The following DENR variants were observed in gnomAD, a reference collection of about 807,000 sequenced individuals.
DENR encodes density regulated re-initiation and release factor, also known as density-regulated protein.
Under a neutral mutation model 30.6 loss-of-function variants are expected in DENR, and 6 were observed. The observed-to-expected ratio is 0.20, with a 90% CI of 0.11 to 0.39. The LOEUF (loss-of-function observed/expected upper bound fraction) is 0.39. DENR is among the 10% of genes least tolerant of loss of function. DENR has a pLI of 1.00. For synonymous variants in DENR, 78 were observed against 72.1 expected, an observed-to-expected ratio of 1.08 and a Z score of -0.41; for missense variants, 141 against 230.9, an observed-to-expected ratio of 0.61 and a Z score of 2.52.
Position 122,768,808 on chromosome 12 carries a change from T to C in DENR, c.439T>C (p.Phe147Leu), listed in dbSNP as rs1353006278. Reference protein sequence around the residue: ...FEIDLKEAQRFFAQKFSCGAS... With the variant: ...FEIDLKEAQRLFAQKFSCGAS... The stretch of plus-strand genomic sequence containing the variant: ...AATTGATCTTAAAGAAGCACAAAGA[T>C]TTTTTGCTCAAAAATTCTCCTGTGG... Residue 147 changes from phenylalanine to leucine, a missense_variant, in exon 7 of 8, where the codon TTT (phenylalanine) becomes CTT (leucine). Physicochemically the swap from Phe to Leu is conservative, Grantham distance 22 (BLOSUM62 0). This residue lies in a region of DENR where 37 missense variants were observed against 92.6 expected (regional missense o/e 0.40). Transcript: ENST00000280557. 4 of 1,588,126 alleles carry C rather than the reference T, an allele frequency of 2.5e-6. No homozygotes were observed. The highest frequency in any genetic ancestry group is 3.4e-6 in the Non-Finnish European group (4 of 1,167,786).
chr12:122,753,500 G>C lies in DENR; in HGVS notation c.-9-193G>C, dbSNP rs543005058. Reference sequence around the variant, plus strand: ...TGGTCCATTTGCTGCTTGCTTCCCTGTAGACCTGTGGAGCAAGGAGATGTT... The same window carrying C: ...TGGTCCATTTGCTGCTTGCTTCCCTCTAGACCTGTGGAGCAAGGAGATGTT... On this transcript the variant is annotated intron_variant, in intron 1 of 7. Transcript: ENST00000280557. Among the ~76,000 whole-genome samples, 15 of 152,244 alleles carry C rather than the reference G, an allele frequency of 9.9e-5. 1 individual carries two copies. In the South Asian group the frequency reaches 3.1e-3, roughly 32 times the overall value.
chr12:122,753,024 G>T (rs1002152945), intron 1 of DENR, 74 bp downstream of exon 1: 1 of 152,936 alleles, frequency 6.5e-6, no homozygotes, highest in East Asian at 1.9e-4. Context: ...ATGCTGCCTG[G>T]CGGAAGGGGG....
rs201242443 is a variant in DENR at position 122,769,218 on chromosome 12, GTA to G, written c.*147_*148del. ...TATGTATGTATACACATATACACAT[GTA>G]TATATACATGTGTGTATGTATACAT... On this transcript the variant is annotated 3_prime_UTR_variant, in exon 8 of 8. Coordinates refer to ENST00000280557, the MANE Select transcript of DENR (RefSeq NM_003677.5). 4,010 of 846,018 alleles carry G rather than the reference GTA, an allele frequency of 4.7e-3. 362 individuals carry two copies. In the East Asian group the frequency reaches 0.17, roughly 36 times the overall value. The allele number at this position is 846,018 out of a possible 1,614,324, so 52.4% of individuals were successfully genotyped here. A position where few individuals can be genotyped will look rare whatever the true frequency, so the allele number is the denominator to read the frequency against.
At chr12:122,756,301 T>C (rs1448829943) in intron 2 of DENR, among the ~76,000 whole-genome samples, 1 of 152,018 alleles carries the variant, frequency 6.6e-6, no homozygotes, top group Non-Finnish European at 1.5e-5. Context: ...ATACAAAAAT[T>C]AGCTGGGCAT....
intron 6 of DENR, among the ~76,000 whole-genome samples, chr12:122,767,922 A>T (rs1878888841): frequency 6.6e-6 from 1 of 152,186 alleles, no homozygotes; most frequent in Non-Finnish European, 1.5e-5. Flanking sequence ...CATGGTGGCA[A>T]AAGGTTGCAA....
chr12:122,768,693 TTTAAAATG>T, intron 6 of DENR, 81 bp from the exon 7 acceptor site: 1 of 1,209,186 alleles, frequency 8.3e-7, no homozygotes, highest in Non-Finnish European at 1.1e-6. Context: ...GTTTTATGAT[TTTAAAATG>T]CAGATTAAAT....
chr12:122,765,020 T>C (rs910047051), intron 4 of DENR, among the ~76,000 whole-genome samples: 4 of 152,224 alleles, frequency 2.6e-5, no homozygotes, highest in Admixed American at 2.0e-4. Flanking sequence ...GCTAGAGCAC[T>C]CCTGCAGAGC....
chr12:122,754,543 T>TA (rs1878498268), intron 2 of DENR, among the ~76,000 whole-genome samples: 1 of 152,208 alleles, frequency 6.6e-6, no homozygotes, highest in African/African-American at 2.4e-5. Flanking sequence ...ACTGTGTGCC[T>TA]AGTGATGTTT....
At chr12:122,762,094 C>T (rs779254631) in intron 2 of DENR, 93 bp from the exon 3 acceptor site, 4 of 809,950 alleles carry the variant, frequency 4.9e-6, no homozygotes, top group Non-Finnish European at 7.3e-6. Context: ...AAAAATGAAG[C>T]ATTTTCTCAA....
Position 122,769,269 on chromosome 12 carries a change from T to TATGTATACATATATACACATAG in DENR, c.*212_*213insGATGTATACATATATACACATA, listed in dbSNP as rs1878953027. 1 of 762,508 alleles carries TATGTATACATATATACACATAG rather than the reference T, an allele frequency of 1.3e-6. No individual in the cohort carries two copies. The highest frequency in any genetic ancestry group is 2.1e-5 in the African/African-American group (1 of 48,118). 47.2% of individuals were successfully genotyped at this position (762,508 alleles called of 1,614,324 possible). ...ATGTATATATATATACATACACATATATGTATACATATATACACATATATG... is the reference window on the plus strand; with the variant it reads ...ATGTATATATATATACATACACATATATGTATACATATATACACATAGATGTATACATATATACACATATATG... On this transcript the variant is annotated 3_prime_UTR_variant, in exon 8 of 8. Coordinates refer to ENST00000280557, the MANE Select transcript of DENR (RefSeq NM_003677.5).
Position 122,765,298 on chromosome 12 carries a change from A to G in DENR, c.212-6A>G. 2.6e-6 allele frequency: 4 copies of G among 1,549,722 alleles called. No individual in the cohort carries two copies. The highest frequency in any genetic ancestry group is 1.7e-4 in the Middle Eastern group (1 of 5,978). On this transcript the variant is annotated splice_region_variant and splice_polypyrimidine_tract_variant and intron_variant, in intron 4 of 7. Coordinates refer to ENST00000280557, the MANE Select transcript of DENR (RefSeq NM_003677.5). Reference sequence around the variant, plus strand: ...TCATGCTTTTGTATTTCACTTTTATATCTAGAAAATTCACCCAAACAAGAA... The same window carrying G: ...TCATGCTTTTGTATTTCACTTTTATGTCTAGAAAATTCACCCAAACAAGAA...
Position 122,767,508 on chromosome 12 carries a change from C to CA in DENR, c.323dup (p.Lys109GlufsTer30). 3.8e-6 allele frequency: 6 copies of CA among 1,571,146 alleles called. No homozygotes were observed. The highest frequency in any genetic ancestry group is 2.3e-5 in the East Asian group (1 of 43,446). On this transcript the variant is annotated frameshift_variant, in exon 6 of 8. Transcript: ENST00000280557. LOFTEE classifies it high-confidence loss of function. ...TAAAGGTGGAAGGGGTCAAATAAAA[C>CA]AAAAAAAGAAGACCGTACCACAAAA...
In DENR at chr12:122,770,636, TG is replaced by T. The variant is rs1879011674; in HGVS notation, c.*1559del. On this transcript the variant is annotated 3_prime_UTR_variant, in exon 8 of 8. Transcript: ENST00000280557. ...TGATGAATTTAAACTTTAAGTCAGG[TG>T]CTGCAAATTGGAAAGAAGACTTGTG... 2.5e-6 allele frequency: 1 copy of T among 398,400 alleles called. No homozygotes were observed. Among genetic ancestry groups the T allele is most frequent in the Non-Finnish European group, 4.4e-6 (1 of 226,034 alleles). 24.7% of individuals were successfully genotyped at this position (398,400 alleles called of 1,614,324 possible).
At chr12:122,758,839 A>ATTTTTT (rs1326385469) in intron 2 of DENR, among the ~76,000 whole-genome samples, 4 of 109,142 alleles carry the variant, frequency 3.7e-5, no homozygotes, top group Non-Finnish European at 5.3e-5. Flanking sequence ...TAGAGGCTTA[A>ATTTTTT]TTTTTTATTT....
In DENR at chr12:122,769,299, CATATATACACATATGTATACAT is replaced by C; in HGVS notation, c.*229_*250del. The C allele has an allele frequency of 3.1e-5, 21 of 685,324 alleles. No individual in the cohort carries two copies. The highest frequency in any genetic ancestry group is 6.4e-5 in the South Asian group (1 of 15,530). 42.5% of individuals were successfully genotyped at this position (685,324 alleles called of 1,614,324 possible). ...ATACATATATACACATATATGTATA[CATATATACACATATGTATACAT>C]ATATATATATTCTACAGTAAAACTG... On this transcript the variant is annotated 3_prime_UTR_variant, in exon 8 of 8. Transcript: ENST00000280557.
chr12:122,761,636 A>G (rs1451130200), intron 2 of DENR, among the ~76,000 whole-genome samples: 1 of 152,196 alleles, frequency 6.6e-6, no homozygotes, highest in Non-Finnish European at 1.5e-5. Flanking sequence ...CCTGGGCAAC[A>G]TGGTGAAACC....
At chr12:122,760,372 C>T (rs1016195911) in intron 2 of DENR, among the ~76,000 whole-genome samples, 3 of 152,204 alleles carry the variant, frequency 2.0e-5, no homozygotes, top group Non-Finnish European at 2.9e-5. Flanking sequence ...TGGTATACCA[C>T]CTTCCTCTCC....
At chr12:122,762,147 G>A in intron 2 of DENR, 40 bp from the exon 3 acceptor site, 1 of 1,347,002 alleles carries the variant, frequency 7.4e-7, no homozygotes, top group Non-Finnish European at 1.0e-6. Context: ...TGTACATATA[G>A]GTTTAACATT....
At position 122,769,342 on chromosome 12, in the gene DENR, A is replaced by G; in HGVS notation, c.*264A>G. ...TACATATATATATATTCTACAGTAA[A>G]ACTGTAGACTGTCCTCGTCCTTGGC... On this transcript the variant is annotated 3_prime_UTR_variant, in exon 8 of 8. Coordinates refer to ENST00000280557, the MANE Select transcript of DENR (RefSeq NM_003677.5). The G allele has an allele frequency of 1.0e-6, 1 of 989,002 alleles. No homozygotes were observed. The highest frequency in any genetic ancestry group is 1.2e-6 in the Non-Finnish European group (1 of 830,900). The allele number at this position is 989,002 out of a possible 1,614,324, so 61.3% of individuals were successfully genotyped here. A position where few individuals can be genotyped will look rare whatever the true frequency, so the allele number is the denominator to read the frequency against.
Sources: gnomAD v4.1 joint callset for allele counts (sites outside exome capture counted in the v4.1 genomes callset) on GRCh38, gnomAD v4.1.1 for gene constraint, gnomAD v4.1.1 regional missense constraint, MANE v1.5 for transcripts, NCBI Gene and HGNC (gene_info 2026-07-23, HGNC 2026-07-21) for gene names.